Variants in CGRRF1 observed in about 807,000 individuals in gnomAD.
CGRRF1 encodes the protein cell growth regulator with ring finger domain 1, also known as cell growth regulator with RING finger domain protein 1.
A neutral mutation model predicts 37.2 loss-of-function variants in CGRRF1; 32 were observed. The observed-to-expected ratio is 0.86, with a 90% CI of 0.65 to 1.16. The LOEUF (loss-of-function observed/expected upper bound fraction) is 1.16. Among genes scored for constraint, CGRRF1 ranks in the 50% most tolerant of loss-of-function variants. CGRRF1 has a pLI of 0.00. For synonymous variants in CGRRF1, 141 were observed against 140.3 expected, an observed-to-expected ratio of 1.00 and a Z score of -0.04; for missense variants, 391 against 382.6, an observed-to-expected ratio of 1.02 and a Z score of -0.18.
At chr14:54,526,732 G>GAGCTAACA (rs2032417750) in intron 2 of CGRRF1, among the ~76,000 whole-genome samples, 2 of 152,144 alleles carry the variant, frequency 1.3e-5, no homozygotes, top group African/African-American at 4.8e-5. Flanking sequence ...ACTCTGGTAA[G>GAGCTAACA]AGCTAACATT....
At chr14:54,510,878 C>G (rs565174712) in intron 1 of CGRRF1, among the ~76,000 whole-genome samples, 8 of 152,304 alleles carry the variant, frequency 5.3e-5, no homozygotes, top group African/African-American at 1.9e-4. Flanking sequence ...TCCAAAATCC[C>G]TTTGAGATGA....
At chr14:54,536,082 A>C (rs2032596878) in intron 4 of CGRRF1, 1 of 152,068 alleles carries the variant, frequency 6.6e-6, no homozygotes, top group African/African-American at 2.4e-5. Context: ...CACACACCCC[A>C]GTCTTTAGAG....
In CGRRF1 at chr14:54,538,324, G is replaced by T; in HGVS notation, c.940G>T (p.Glu314Ter). ...QCPMCRQFVQ[E>*]SFALCSQKEQ... is the part of the protein sequence containing the mutation. ...CCCAATGTGCAGGCAGTTTGTTCAG[G>T]AATCTTTTGCACTTTGCAGTCAAAA... Residue 314 changes from glutamate (E) to a stop codon, truncating the protein, a stop_gained, in exon 6 of 6, where the codon GAA becomes TAA. Coordinates refer to ENST00000216420, the MANE Select transcript of CGRRF1 (RefSeq NM_006568.3). LOFTEE classifies it high-confidence loss of function. 1 of 1,613,910 alleles carries T rather than the reference G, an allele frequency of 6.2e-7. No individual in the cohort carries two copies. The highest frequency in any genetic ancestry group is 8.5e-7 in the Non-Finnish European group (1 of 1,179,816).
chr14:54,520,292 T>C (rs1176051419), intron 1 of CGRRF1, among the ~76,000 whole-genome samples: 2 of 151,716 alleles, frequency 1.3e-5, no homozygotes, highest in South Asian at 2.1e-4. Context: ...TGTGTGTGTG[T>C]ATGTGTGTGT....
At chr14:54,533,817 A>G (rs1001646411) in intron 4 of CGRRF1, among the ~76,000 whole-genome samples, 11 of 152,118 alleles carry the variant, frequency 7.2e-5, no homozygotes, top group Admixed American at 6.5e-4. Context: ...GTATTATTCA[A>G]ATAATACATT....
rs143104230 is a variant in CGRRF1, at chr14:54,525,574, T to A, written c.244+2981T>A. Among the ~76,000 whole-genome samples, 2 of 152,338 alleles carry A rather than the reference T, an allele frequency of 1.3e-5. 1 individual carries two copies. The highest frequency in any genetic ancestry group is 3.9e-4 in the East Asian group (2 of 5,192). Reference sequence around the variant, plus strand: ...GGAAATAGAAGGATTTTGATAGGAGTTATACTCAACAGAGTAAAATTCATT... The same window carrying A: ...GGAAATAGAAGGATTTTGATAGGAGATATACTCAACAGAGTAAAATTCATT... On this transcript the variant is annotated intron_variant, in intron 2 of 5. Coordinates refer to ENST00000216420, the MANE Select transcript of CGRRF1 (RefSeq NM_006568.3).
At chr14:54,529,556 A>T (rs1237094501) in intron 2 of CGRRF1, among the ~76,000 whole-genome samples, 2 of 152,228 alleles carry the variant, frequency 1.3e-5, no homozygotes, top group African/African-American at 2.4e-5. Flanking sequence ...CAATGTATAC[A>T]TTAATGTTAG....
chr14:54,512,903 C>T (rs1473319434), intron 1 of CGRRF1, among the ~76,000 whole-genome samples: 2 of 152,196 alleles, frequency 1.3e-5, no homozygotes, highest in Non-Finnish European at 2.9e-5. Context: ...TTTCTCTGTT[C>T]CCTTGTCCTA....
At chr14:54,511,187 C>G (rs2140051729) in intron 1 of CGRRF1, among the ~76,000 whole-genome samples, 1 of 152,320 alleles carries the variant, frequency 6.6e-6, no homozygotes, top group Middle Eastern at 3.4e-3. Flanking sequence ...TTGTCGGTTT[C>G]TGAAAATATA....
chr14:54,528,030 C>A (rs1178201839), intron 2 of CGRRF1, among the ~76,000 whole-genome samples: 1 of 152,094 alleles, frequency 6.6e-6, no homozygotes, highest in Non-Finnish European at 1.5e-5. Context: ...CATGAAACAC[C>A]ACACCCAGCC....
chr14:54,538,106 A>G lies in CGRRF1; in HGVS notation c.722A>G (p.Asn241Ser). The part of the protein sequence containing the change: ...SANNNFTPSN[N>S]SSSEEKNTDR... ...AATAATAATTTCACTCCCTCCAACA[A>G]TTCCTCTTCAGAAGAAAAAAACACA... Residue 241 changes from asparagine (N) to serine (S), a missense_variant, in exon 6 of 6, where the codon AAT becomes AGT. Physicochemically the swap from Asn to Ser is conservative, Grantham distance 46. Coordinates refer to ENST00000216420, the MANE Select transcript of CGRRF1 (RefSeq NM_006568.3). 6.2e-7 allele frequency: 1 copy of G among 1,613,824 alleles called. No homozygotes were observed.
chr14:54,516,992 A>G (rs1451616948), intron 1 of CGRRF1, among the ~76,000 whole-genome samples: 1 of 152,112 alleles, frequency 6.6e-6, no homozygotes, highest in African/African-American at 2.4e-5. Context: ...TTCATCTCTA[A>G]ATATTGATTT....
At chr14:54,527,743 C>T (rs2032437696) in intron 2 of CGRRF1, among the ~76,000 whole-genome samples, 1 of 151,092 alleles carries the variant, frequency 6.6e-6, no homozygotes, top group South Asian at 2.1e-4. Flanking sequence ...AAAGGCTTAT[C>T]CTTCCATTGT....
intron 2 of CGRRF1, among the ~76,000 whole-genome samples, chr14:54,523,885 T>C (rs1307851463): frequency 6.6e-6 from 1 of 152,212 alleles, no homozygotes; most frequent in Non-Finnish European, 1.5e-5. Context: ...CCCTGTCCCT[T>C]CTATACTTGC....
chr14:54,522,371 C>A, intron 1 of CGRRF1, 83 bp from the exon 2 acceptor site: 1 of 974,692 alleles, frequency 1.0e-6, no homozygotes. Context: ...AAAGGAATCG[C>A]TAATGAAGCA....
intron 1 of CGRRF1, among the ~76,000 whole-genome samples, chr14:54,516,958 T>C (rs2032228469): frequency 6.6e-6 from 1 of 152,194 alleles, no homozygotes; most frequent in Non-Finnish European, 1.5e-5. Context: ...ATCCACTATA[T>C]TTTTTATCTA....
At chr14:54,528,552 A>G (rs975839968) in intron 2 of CGRRF1, among the ~76,000 whole-genome samples, 6 of 151,422 alleles carry the variant, frequency 4.0e-5, no homozygotes, top group African/African-American at 9.7e-5. Context: ...TTCCTTTCGT[A>G]TCTACCTCCA....
intron 1 of CGRRF1, among the ~76,000 whole-genome samples, chr14:54,520,940 G>T (rs1221566322): frequency 6.6e-6 from 1 of 152,046 alleles, no homozygotes; most frequent in Non-Finnish European, 1.5e-5. Flanking sequence ...TCCTAACTGT[G>T]CCGTCTTTAA....
chr14:54,530,008 A>G (rs2032481124), intron 2 of CGRRF1, 41 bp from the exon 3 acceptor site: 1 of 1,521,804 alleles, frequency 6.6e-7, no homozygotes, highest in Non-Finnish European at 9.1e-7. Flanking sequence ...ATTAGAAGTT[A>G]CATTAAATCA....
Sources: allele counts gnomAD v4.1 joint callset (sites outside exome capture counted in the v4.1 genomes callset), GRCh38; gene constraint gnomAD v4.1.1; transcripts MANE v1.5; gene names NCBI Gene and HGNC (gene_info 2026-07-23, HGNC 2026-07-21).